The following BNC2 variants were observed in gnomAD, a reference collection of about 807,000 sequenced individuals.
BNC2 encodes the protein basonuclin zinc finger protein 2.
A neutral mutation model predicts 76.3 loss-of-function variants in BNC2; 20 were observed. The observed-to-expected ratio is 0.26, with a 90% confidence interval of 0.18 to 0.38. BNC2 has a LOEUF of 0.38. Ranked by LOEUF, BNC2 falls within the 10% of genes least tolerant of loss-of-function variation. The probability of loss-of-function intolerance (pLI) is 1.00; values close to 1 mark genes in which losing one functional copy is unlikely to be tolerated. For synonymous variants in BNC2, 582 were observed against 514.8 expected, an observed-to-expected ratio of 1.13 and a Z score of -1.77; for missense variants, 1,382 against 1,399.8, an observed-to-expected ratio of 0.99 and a Z score of 0.20.
chr9:16,712,328 C>G (rs936944975), intron 3 of BNC2, among the ~76,000 whole-genome samples: 7 of 152,138 alleles, frequency 4.6e-5, no homozygotes. Context: ...CACTTTTACA[C>G]TATGTGTAAA....
intron 3 of BNC2, among the ~76,000 whole-genome samples, chr9:16,713,540 T>G (rs1167059103): frequency 6.6e-6 from 1 of 150,786 alleles, no homozygotes; most frequent in Non-Finnish European, 1.5e-5. Flanking sequence ...GTGCAGGCTT[T>G]GAAGCTCATA....
intron 3 of BNC2, among the ~76,000 whole-genome samples, chr9:16,642,322 C>T (rs1046762727): frequency 6.6e-6 from 1 of 152,194 alleles, no homozygotes; most frequent in Admixed American, 6.5e-5. Context: ...TTAGGCAATA[C>T]TGCAACAGCT....
intron 1 of BNC2, among the ~76,000 whole-genome samples, chr9:16,779,126 A>AAAAG (rs1554728992): frequency 8.3e-6 from 1 of 119,890 alleles, no homozygotes; most frequent in African/African-American, 3.8e-5. Context: ...AAAAAAAAAA[A>AAAAG]AAAAAAAAGA....
chr9:16,842,320 T>C (rs1374222443), intron 1 of BNC2, among the ~76,000 whole-genome samples: 2 of 152,164 alleles, frequency 1.3e-5, no homozygotes, highest in African/African-American at 2.4e-5. Context: ...TCTGTTTCTG[T>C]GATAGGAAAA....
At chr9:16,670,468 C>T (rs913020439) in intron 3 of BNC2, among the ~76,000 whole-genome samples, 5 of 152,164 alleles carry the variant, frequency 3.3e-5, no homozygotes, top group African/African-American at 1.2e-4. Context: ...GCATGAGCCA[C>T]TGTATCCAGC....
intron 1 of BNC2, among the ~76,000 whole-genome samples, chr9:16,745,517 G>A (rs777290548): frequency 5.9e-5 from 9 of 152,138 alleles, no homozygotes; most frequent in Admixed American, 1.3e-4. Flanking sequence ...TCTGCAGCAC[G>A]TACTTTCATT....
Position 16,418,902 on chromosome 9 carries a change from C to T in BNC2, c.*87G>A. ...ACACACACACACACACACACACACC[C>T]CAAGTACATAAGCGCACACTGACTA... On this transcript the variant is annotated 3_prime_UTR_variant, in exon 7 of 7. Coordinates refer to ENST00000380672, the MANE Select transcript of BNC2 (RefSeq NM_017637.6). 1.4e-6 allele frequency: 2 copies of T among 1,452,334 alleles called. No individual in the cohort carries two copies. The allele number at this position is 1,452,334 out of a possible 1,614,324, so 90.0% of individuals were successfully genotyped here.
In BNC2 at chr9:16,695,150, C is replaced by A. The variant is rs559564403; in HGVS notation, c.330+32647G>T. 8.5e-5 allele frequency among the ~76,000 whole-genome samples: 13 copies of A among 152,262 alleles called. No homozygotes were observed. The East Asian group carries it at 2.5e-3, about 29-fold the overall frequency. ...AAGCTAAGAAGAGAAGCTTAGTGGA[C>A]AACAGAATGCTTTATAAATGGTAAA... On this transcript the variant is annotated intron_variant, in intron 3 of 6. Transcript: ENST00000380672.
chr9:16,467,963 T>C (rs151310634), intron 5 of BNC2, among the ~76,000 whole-genome samples: 2 of 152,174 alleles, frequency 1.3e-5, no homozygotes, highest in Non-Finnish European at 2.9e-5. Flanking sequence ...CTATCACTTC[T>C]TCCAATTCTA....
chr9:16,668,120 A>G (rs1822356130), intron 3 of BNC2, among the ~76,000 whole-genome samples: 1 of 152,208 alleles, frequency 6.6e-6, no homozygotes, highest in Non-Finnish European at 1.5e-5. Context: ...TCCCATGGAA[A>G]GACCAGCTTA....
At chr9:16,775,398 A>AG (rs2135495116) in intron 1 of BNC2, among the ~76,000 whole-genome samples, 1 of 1,380 alleles carries the variant, frequency 7.2e-4, no homozygotes, top group Admixed American at 4.3e-3. Flanking sequence ...TTTCGTTATT[A>AG]AAAAAAAAAA....
chr9:16,753,607 C>T (rs541349552), intron 1 of BNC2, among the ~76,000 whole-genome samples: 1 of 152,180 alleles, frequency 6.6e-6, no homozygotes, highest in African/African-American at 2.4e-5. Flanking sequence ...TTAACAGTAT[C>T]AATCACACTG....
chr9:16,722,762 G>A (rs918001629), intron 3 of BNC2, among the ~76,000 whole-genome samples: 5 of 152,206 alleles, frequency 3.3e-5, no homozygotes, highest in South Asian at 2.1e-4. Flanking sequence ...CTTTACTTGC[G>A]TTAACGTTTA....
intron 5 of BNC2, among the ~76,000 whole-genome samples, chr9:16,523,752 C>G (rs574091903): frequency 1.3e-5 from 2 of 151,980 alleles, no homozygotes; most frequent in African/African-American, 4.8e-5. Flanking sequence ...TGGTGAAACC[C>G]TGTCTCTACT....
chr9:16,850,229 T>A (rs895312164), intron 1 of BNC2, among the ~76,000 whole-genome samples: 1 of 152,212 alleles, frequency 6.6e-6, no homozygotes, highest in African/African-American at 2.4e-5. Flanking sequence ...TACAGTAGAA[T>A]TTATCAGGCA....
intron 3 of BNC2, among the ~76,000 whole-genome samples, chr9:16,671,978 A>G (rs1822490673): frequency 6.6e-6 from 1 of 152,216 alleles, no homozygotes; most frequent in African/African-American, 2.4e-5. Flanking sequence ...TCTCTCATTA[A>G]GCAAACTCTG....
intron 3 of BNC2, among the ~76,000 whole-genome samples, chr9:16,617,459 T>C (rs188728004): frequency 6.6e-6 from 1 of 151,294 alleles, no homozygotes; most frequent in Non-Finnish European, 1.5e-5. Context: ...TCAGCTACAC[T>C]GTCACCCAAG....
intron 3 of BNC2, among the ~76,000 whole-genome samples, chr9:16,715,916 T>C (rs1237760181): frequency 1.3e-5 from 2 of 152,202 alleles, no homozygotes; most frequent in Non-Finnish European, 2.9e-5. Flanking sequence ...GTTTACAGAA[T>C]ATAAGACAAT....
chr9:16,725,346 A>C (rs763427578), intron 3 of BNC2, among the ~76,000 whole-genome samples: 2 of 150,440 alleles, frequency 1.3e-5, no homozygotes, highest in Non-Finnish European at 2.9e-5. Flanking sequence ...GTTTGAACTT[A>C]AGTTATGTAA....
Sources: gnomAD v4.1 joint callset for allele counts (sites outside exome capture counted in the v4.1 genomes callset) on GRCh38, gnomAD v4.1.1 for gene constraint, MANE v1.5 for transcripts, NCBI Gene and HGNC (gene_info 2026-07-23, HGNC 2026-07-21) for gene names.